Variants in MARCHF4 observed in about 807,000 individuals in gnomAD.
MARCHF4 encodes the protein E3 ubiquitin-protein ligase MARCHF4.
A neutral mutation model predicts 43.9 loss-of-function variants in MARCHF4; 14 were observed. The ratio of observed to expected loss-of-function variants is 0.32; its 90% CI spans 0.21 to 0.50. MARCHF4 has a LOEUF of 0.50. MARCHF4 is among the 20% of genes least tolerant of loss of function. The pLI is 0.98. For missense variants in MARCHF4, 468 were observed against 536.7 expected (o/e 0.87, Z 1.27); for synonymous variants, 226 against 213.3 (o/e 1.06, Z -0.52).
chr2:216,372,281 G>A lies in MARCHF4; in HGVS notation c.-2021C>T, dbSNP rs1340407495. Reference sequence around the variant, plus strand: ...TGGAAACAAGGTTCTTGCAGCGAGGGAGGCTCTCGGCTATCTCCGCCGCCG... The same window carrying A: ...TGGAAACAAGGTTCTTGCAGCGAGGAAGGCTCTCGGCTATCTCCGCCGCCG... On this transcript the variant is annotated 5_prime_UTR_variant, in exon 1 of 4. Coordinates refer to ENST00000273067, the MANE Select transcript of MARCHF4 (RefSeq NM_020814.3). Among the ~76,000 whole-genome samples the A allele has an allele frequency of 1.3e-5, 2 of 152,158 alleles. No homozygotes were observed. The highest frequency in any genetic ancestry group is 2.9e-5 in the Non-Finnish European group (2 of 68,030).
At chr2:216,351,045 G>A (rs1692398010) in intron 1 of MARCHF4, among the ~76,000 whole-genome samples, 2 of 152,124 alleles carry the variant, frequency 1.3e-5, no homozygotes, top group South Asian at 2.1e-4. Flanking sequence ...CCATAGGAGG[G>A]GAAAGGGATA....
chr2:216,312,000 T>C (rs562075748), intron 1 of MARCHF4, among the ~76,000 whole-genome samples: 1 of 152,342 alleles, frequency 6.6e-6, no homozygotes, highest in Admixed American at 6.5e-5. Context: ...TAACTTAGAT[T>C]CAAGAATACA....
intron 1 of MARCHF4, among the ~76,000 whole-genome samples, chr2:216,320,631 C>A (rs1559098546): frequency 1.0e-5 from 1 of 98,540 alleles, no homozygotes; most frequent in African/African-American, 4.3e-5. Flanking sequence ...TTCTTTCTTT[C>A]TTTCTTTCTT....
chr2:216,273,592 C>T (rs539826735), intron 3 of MARCHF4, among the ~76,000 whole-genome samples: 1 of 152,220 alleles, frequency 6.6e-6, no homozygotes, highest in African/African-American at 2.4e-5. Context: ...AGGGAGCCTT[C>T]TCTTCCTCTT....
intron 1 of MARCHF4, among the ~76,000 whole-genome samples, chr2:216,330,680 T>C (rs1051162282): frequency 6.6e-6 from 1 of 152,196 alleles, no homozygotes; most frequent in African/African-American, 2.4e-5. Context: ...TTTCTGAGTA[T>C]GTTAACTTAA....
At chr2:216,320,834 C>CTTTT (rs1181410298) in intron 1 of MARCHF4, among the ~76,000 whole-genome samples, 2 of 116,832 alleles carry the variant, frequency 1.7e-5, no homozygotes, top group South Asian at 2.9e-4. Flanking sequence ...CCATGCCTGG[C>CTTTT]TTTTTTTTTT....
chr2:216,314,061 G>T (rs896266946), intron 1 of MARCHF4, among the ~76,000 whole-genome samples: 2 of 152,162 alleles, frequency 1.3e-5, no homozygotes, highest in African/African-American at 4.8e-5. Flanking sequence ...AAGACAGCTA[G>T]TCTGCATTGT....
chr2:216,284,324 G>GA (rs1462044031), intron 1 of MARCHF4, among the ~76,000 whole-genome samples: 1 of 152,184 alleles, frequency 6.6e-6, no homozygotes, highest in Non-Finnish European at 1.5e-5. Context: ...GGAGGAGTTG[G>GA]AATCAGAGAG....
intron 1 of MARCHF4, among the ~76,000 whole-genome samples, chr2:216,366,499 ATCTC>A (rs141356254): frequency 2.1e-4 from 31 of 150,826 alleles, no homozygotes; most frequent in African/African-American, 7.3e-4. Flanking sequence ...GTTCACATCT[ATCTC>A]TCTCTCTCTC....
intron 2 of MARCHF4, among the ~76,000 whole-genome samples, chr2:216,283,145 C>T (rs6755972): frequency 0.56 from 84,620 of 151,974 alleles, 23,793 homozygotes; most frequent in South Asian, 0.64. Context: ...ACCCCTCCCA[C>T]CTTCTGTCTT....
intron 1 of MARCHF4, among the ~76,000 whole-genome samples, chr2:216,286,242 T>C (rs1277769981): frequency 6.6e-6 from 1 of 152,120 alleles, no homozygotes; most frequent in Non-Finnish European, 1.5e-5. Context: ...ATTACAAATA[T>C]TAGAAAGCAA....
At chr2:216,290,324 G>A (rs1691289216) in intron 1 of MARCHF4, among the ~76,000 whole-genome samples, 1 of 152,138 alleles carries the variant, frequency 6.6e-6, no homozygotes, top group Non-Finnish European at 1.5e-5. Flanking sequence ...CAGACAGAGG[G>A]AATATCAAGT....
At position 216,298,619 on chromosome 2, in the gene MARCHF4, G is replaced by A. The variant is rs556151920; in HGVS notation, c.517-14890C>T. 3.3e-5 allele frequency among the ~76,000 whole-genome samples: 5 copies of A among 152,286 alleles called. No individual in the cohort carries two copies. The South Asian group carries it at 1.0e-3, about 32-fold the overall frequency. ...TGCTACATTTGAGATAGCCATGGAT[G>A]TATGTGCCCAGAGGCTGGGAAGGAA... On this transcript the variant is annotated intron_variant, in intron 1 of 3. Transcript: ENST00000273067.
At chr2:216,275,269 G>A (rs1054657443) in intron 3 of MARCHF4, among the ~76,000 whole-genome samples, 1 of 152,142 alleles carries the variant, frequency 6.6e-6, no homozygotes, top group African/African-American at 2.4e-5. Context: ...GAGGAGAGGT[G>A]GCACAGAGCC....
intron 3 of MARCHF4, among the ~76,000 whole-genome samples, chr2:216,270,167 C>A (rs1348889800): frequency 1.3e-5 from 2 of 152,070 alleles, no homozygotes; most frequent in Non-Finnish European, 2.9e-5. Context: ...CCTCAAACTC[C>A]TGAGCTCAAG....
chr2:216,293,201 A>T (rs1444935071), intron 1 of MARCHF4, among the ~76,000 whole-genome samples: 1 of 152,018 alleles, frequency 6.6e-6, no homozygotes, highest in Non-Finnish European at 1.5e-5. Flanking sequence ...TAGCTGCACC[A>T]CCCGTCCATG....
intron 1 of MARCHF4, among the ~76,000 whole-genome samples, chr2:216,347,625 G>A (rs1459508802): frequency 6.6e-6 from 1 of 152,014 alleles, no homozygotes; most frequent in Non-Finnish European, 1.5e-5. Flanking sequence ...TTACTCAGGA[G>A]GCTGAGGCAG....
Position 216,297,736 on chromosome 2 carries a change from G to A in MARCHF4, c.517-14007C>T, listed in dbSNP as rs539150521. Among the ~76,000 whole-genome samples the A allele has an allele frequency of 2.9e-4, 44 of 152,144 alleles. No homozygotes were observed. In the South Asian group the frequency reaches 7.9e-3, roughly 27 times the overall value. On this transcript the variant is annotated intron_variant, in intron 1 of 3. Coordinates refer to ENST00000273067, the MANE Select transcript of MARCHF4 (RefSeq NM_020814.3). Reference sequence around the variant, plus strand: ...TCTCCATGTTGGTCAGGCTGATCTCGAACTCCCCACCTCAGGTGATCCACT... The same window carrying A: ...TCTCCATGTTGGTCAGGCTGATCTCAAACTCCCCACCTCAGGTGATCCACT...
At chr2:216,286,190 A>G (rs2105942269) in intron 1 of MARCHF4, among the ~76,000 whole-genome samples, 1 of 152,284 alleles carries the variant, frequency 6.6e-6, no homozygotes, top group East Asian at 1.9e-4. Context: ...TCCTTTAGGG[A>G]GAAGAAAACC....
Sources: gnomAD v4.1 joint callset for allele counts (sites outside exome capture counted in the v4.1 genomes callset) on GRCh38, gnomAD v4.1.1 for gene constraint, MANE v1.5 for transcripts, NCBI Gene and HGNC (gene_info 2026-07-23, HGNC 2026-07-21) for gene names.